SEPTIN9: variants seen among roughly 807,000 people sequenced by gnomAD.
SEPTIN9 encodes septin-9.
Under a neutral mutation model 56.6 loss-of-function variants are expected in SEPTIN9, and 13 were observed. The observed-to-expected ratio is 0.23, with a 90% confidence interval of 0.15 to 0.37. The LOEUF is 0.37. Among genes scored for constraint, SEPTIN9 ranks in the 10% least tolerant of loss-of-function variants. The pLI is 1.00. For synonymous variants in SEPTIN9, 332 were observed against 334.1 expected (o/e 0.99, Z 0.07); for missense variants, 650 against 823.1 (o/e 0.79, Z 2.57).
intron 3 of SEPTIN9, among the ~76,000 whole-genome samples, chr17:77,448,502 T>A (rs2037836111): frequency 6.7e-6 from 1 of 148,244 alleles, no homozygotes; most frequent in Admixed American, 6.7e-5. Context: ...AAAAAAAAAA[T>A]TGAGACTCTC....
intron 2 of SEPTIN9, among the ~76,000 whole-genome samples, chr17:77,321,292 A>G (rs1039243176): frequency 1.3e-5 from 2 of 149,660 alleles, no homozygotes; most frequent in African/African-American, 5.0e-5. Flanking sequence ...GGTTGCCACT[A>G]TGTGTGTGTT....
Position 77,450,511 on chromosome 17 carries a change from GC to G in SEPTIN9, c.722-31629del. ...TCTCTCCTAGTGTGGGAGTGGCCAC[GC>G]CCCTGCTGGGAGTGACTCACTTGGG... On this transcript the variant is annotated intron_variant, in intron 3 of 11. Coordinates refer to ENST00000427177, the MANE Select transcript of SEPTIN9 (RefSeq NM_001113491.2). The surrounding 1 kb of genome is among the most constrained non-coding windows in gnomAD (Gnocchi z 6.0). The G allele has an allele frequency of 1.0e-6, 1 of 985,434 alleles. No homozygotes were observed. The highest frequency in any genetic ancestry group is 1.2e-6 in the Non-Finnish European group (1 of 829,958). The allele number at this position is 985,434 out of a possible 1,614,324, so 61.0% of individuals were successfully genotyped here.
At position 77,402,347 on chromosome 17, in the gene SEPTIN9, C is replaced by T. The variant is rs981332202; in HGVS notation, c.365C>T (p.Ala122Val). Residue 122 changes from alanine to valine, a missense_variant, in exon 3 of 12, where the codon GCC becomes GTC. Physicochemically the swap from Ala to Val is moderately conservative, Grantham distance 64 (BLOSUM62 0). Transcript: ENST00000427177. This position sits in a 1 kb window ranked among gnomAD's most constrained non-coding sequence, Gnocchi z 6.6. ...IDISSKQVEN[A>V]GAIGPSRFGL... is the part of the protein sequence containing the mutation. ...ATCTCGTCCAAGCAGGTGGAGAACG[C>T]CGGGGCCATCGGCCCGTCCCGGTTC... 1 of 1,612,540 alleles carries T rather than the reference C, an allele frequency of 6.2e-7. No homozygotes were observed. Among genetic ancestry groups the T allele is most frequent in the Non-Finnish European group, 8.5e-7 (1 of 1,179,760 alleles).
rs1451766222 is a variant in SEPTIN9, at chr17:77,436,112, T to C, written c.721+33409T>C. ...GTTGAGTTGAGCTCGGCGGCTGCCT[T>C]TCCACCCTGCGGGCCTGGTTGGGGA... On this transcript the variant is annotated intron_variant, in intron 3 of 11. Transcript: ENST00000427177. The surrounding 1 kb of genome is among the most constrained non-coding windows in gnomAD (Gnocchi z 4.4). Among the ~76,000 whole-genome samples, 1 of 152,178 alleles carries C rather than the reference T, an allele frequency of 6.6e-6. No individual in the cohort carries two copies. Among genetic ancestry groups the C allele is most frequent in the African/African-American group, 2.4e-5 (1 of 41,454 alleles).
rs376196612 is a variant in SEPTIN9, at chr17:77,320,306, C to G, written c.76+13109C>G. On this transcript the variant is annotated intron_variant, in intron 2 of 11. Transcript: ENST00000427177. ...GAGCGGGACGCCGGGACTCCCGCCGCTGCTAAATATATCCGTAGGAATGGA... is the reference window on the plus strand; with the variant it reads ...GAGCGGGACGCCGGGACTCCCGCCGGTGCTAAATATATCCGTAGGAATGGA... 3 of 1,612,656 alleles carry G rather than the reference C, an allele frequency of 1.9e-6. No individual in the cohort carries two copies. In the African/African-American group the frequency reaches 4.0e-5, roughly 22 times the overall value.
intron 1 of SEPTIN9, among the ~76,000 whole-genome samples, chr17:77,285,257 C>T (rs537319935): frequency 3.9e-5 from 6 of 152,176 alleles, no homozygotes; most frequent in African/African-American, 7.2e-5. Context: ...TGGAACTTGC[C>T]GTCATTCCCA....
intron 3 of SEPTIN9, among the ~76,000 whole-genome samples, chr17:77,438,060 G>C (rs570689744): frequency 4.5e-4 from 69 of 152,378 alleles, no homozygotes; most frequent in African/African-American, 1.6e-3. Context: ...TTTCAGAGGG[G>C]CTGAGGGCTT....
intron 1 of SEPTIN9, chr17:77,287,796 TG>T: frequency 1.2e-6 from 1 of 806,980 alleles, no homozygotes; most frequent in Non-Finnish European, 1.5e-6. Context: ...TAATCTGACC[TG>T]GTTCTCCAAA....
At chr17:77,344,518 AAGAACTGAC>A (rs1330080652) in intron 2 of SEPTIN9, among the ~76,000 whole-genome samples, 2 of 152,242 alleles carry the variant, frequency 1.3e-5, no homozygotes, top group Non-Finnish European at 2.9e-5. Context: ...GTATACTCCA[AAGAACTGAC>A]AGCAGGGACT....
At position 77,498,601 on chromosome 17, in the gene SEPTIN9, C is replaced by T; in HGVS notation, c.1704C>T (p.Gly568=). ...ACCGTGTGAAGCGCCTCAACGAGGG[C>T]AGCAGCGCCATGGCCAACGGCATGG... is the stretch of plus-strand genomic sequence containing the variant. ...EAYRVKRLNE[G]SSAMANGMEE... is the part of the protein sequence containing the mutation. The change falls in exon 12 of 12, where the codon GGC becomes GGT. Residue 568 remains glycine (G), a synonymous_variant. Coordinates refer to ENST00000427177, the MANE Select transcript of SEPTIN9 (RefSeq NM_001113491.2). 2 of 1,608,674 alleles carry T rather than the reference C, an allele frequency of 1.2e-6. No homozygotes were observed. The highest frequency in any genetic ancestry group is 2.2e-5 in the East Asian group (1 of 44,540).
Position 77,327,606 on chromosome 17 carries a change from C to T in SEPTIN9, c.76+20409C>T, listed in dbSNP as rs1031043086. ...GGGGAGATTCCTCTTAACCAGCGGC[C>T]CACGTTTGGAGACTGATTTGGGCTC... On this transcript the variant is annotated intron_variant, in intron 2 of 11. Coordinates refer to ENST00000427177, the MANE Select transcript of SEPTIN9 (RefSeq NM_001113491.2). The surrounding 1 kb of genome is among the most constrained non-coding windows in gnomAD (Gnocchi z 5.0). Among the ~76,000 whole-genome samples, 2 of 152,124 alleles carry T rather than the reference C, an allele frequency of 1.3e-5. No homozygotes were observed. The highest frequency in any genetic ancestry group is 2.9e-5 in the Non-Finnish European group (2 of 68,024).
chr17:77,384,976 T>C (rs1267198372), intron 2 of SEPTIN9, among the ~76,000 whole-genome samples: 1 of 152,172 alleles, frequency 6.6e-6, no homozygotes, highest in African/African-American at 2.4e-5. Flanking sequence ...CCTTTGTTTT[T>C]GTGCATTTTG....
At chr17:77,289,430 T>C (rs985238723) in intron 1 of SEPTIN9, among the ~76,000 whole-genome samples, 12 of 117,758 alleles carry the variant, frequency 1.0e-4, no homozygotes, top group Middle Eastern at 7.5e-3. Flanking sequence ...TTTTTTGAGA[T>C]GGAGTTTCGC....
chr17:77,500,148 G>A lies in SEPTIN9; in HGVS notation c.*1490G>A, dbSNP rs1462266296. 1.7e-5 allele frequency: 4 copies of A among 233,246 alleles called. No individual in the cohort carries two copies. Among genetic ancestry groups the A allele is most frequent in the Non-Finnish European group, 3.4e-5 (4 of 118,074 alleles). 14.4% of individuals were successfully genotyped at this position (233,246 alleles called of 1,614,324 possible). ...GCTGGCTGCTTGCAGCCAGGAGAAG[G>A]TCAGCGAGAAGGAGTGTATGAGTGT... On this transcript the variant is annotated 3_prime_UTR_variant, in exon 12 of 12. Coordinates refer to ENST00000427177, the MANE Select transcript of SEPTIN9 (RefSeq NM_001113491.2).
chr17:77,456,891 G>T lies in SEPTIN9; in HGVS notation c.722-25253G>T, dbSNP rs1013642287. On this transcript the variant is annotated intron_variant, in intron 3 of 11. Transcript: ENST00000427177. The surrounding 1 kb of genome is among the most constrained non-coding windows in gnomAD (Gnocchi z 6.0). Reference sequence around the variant, plus strand: ...ACTAGATGTCCACAGCCAGAGATGGGCCCCTATGGCCAGTACCAGGTCTCA... The same window carrying T: ...ACTAGATGTCCACAGCCAGAGATGGTCCCCTATGGCCAGTACCAGGTCTCA... Among the ~76,000 whole-genome samples the T allele has an allele frequency of 5.3e-5, 8 of 152,346 alleles. No homozygotes were observed. The highest frequency in any genetic ancestry group is 1.7e-4 in the African/African-American group (7 of 41,582).
intron 2 of SEPTIN9, among the ~76,000 whole-genome samples, chr17:77,308,063 A>G (rs945472946): frequency 1.3e-5 from 2 of 151,992 alleles, no homozygotes; most frequent in Admixed American, 6.5e-5. Flanking sequence ...TGGCTTTTCT[A>G]TTTGGAGAGG....
intron 1 of SEPTIN9, among the ~76,000 whole-genome samples, chr17:77,283,089 A>T (rs936010148): frequency 6.7e-6 from 1 of 150,370 alleles, no homozygotes; most frequent in Non-Finnish European, 1.5e-5. Context: ...GCTTACTGGG[A>T]GGTGGGGAGA....
rs963804468 is a variant in SEPTIN9 at position 77,435,109 on chromosome 17, G to C, written c.721+32406G>C. Among the ~76,000 whole-genome samples the C allele has an allele frequency of 6.6e-6, 1 of 152,158 alleles. No individual in the cohort carries two copies. The highest frequency in any genetic ancestry group is 1.5e-5 in the Non-Finnish European group (1 of 68,038). ...CCAACAACACTGTGAAATTGATTCT[G>C]TTGTTATTCCCATTTCACCGATGAG... On this transcript the variant is annotated intron_variant, in intron 3 of 11. Transcript: ENST00000427177. The surrounding 1 kb of genome is among the most constrained non-coding windows in gnomAD (Gnocchi z 4.5).
At position 77,498,956 on chromosome 17, in the gene SEPTIN9, G is replaced by T. The variant is rs537752628; in HGVS notation, c.*298G>T. 3.3e-5 allele frequency: 18 copies of T among 551,518 alleles called. No individual in the cohort carries two copies. The African/African-American group carries it at 3.3e-4, about 10-fold the overall frequency. 34.2% of individuals were successfully genotyped at this position (551,518 alleles called of 1,614,324 possible). ...CCTGGCTCCCCGAGGGCTCAGAAGAGCAGCTTCGGTGTGCAGATCATCCGT... is the reference window on the plus strand; with the variant it reads ...CCTGGCTCCCCGAGGGCTCAGAAGATCAGCTTCGGTGTGCAGATCATCCGT... On this transcript the variant is annotated 3_prime_UTR_variant, in exon 12 of 12. Coordinates refer to ENST00000427177, the MANE Select transcript of SEPTIN9 (RefSeq NM_001113491.2).
Sources: allele counts gnomAD v4.1 joint callset (sites outside exome capture counted in the v4.1 genomes callset), GRCh38; gene constraint gnomAD v4.1.1; non-coding constraint Gnocchi (gnomAD v3.1); transcripts MANE v1.5; gene names NCBI Gene and HGNC (gene_info 2026-07-23, HGNC 2026-07-21).